Variants in SCOC observed in about 807,000 individuals in gnomAD.
The protein encoded by SCOC is short coiled-coil protein, also known as short coiled coil protein.
In SCOC, 7 loss-of-function variants were observed where a neutral mutation model predicts 9.9. The observed-to-expected ratio is 0.71, with a 90% CI of 0.40 to 1.33. SCOC has a LOEUF of 1.33. Among genes scored for constraint, SCOC ranks in the 40% most tolerant of loss-of-function variants. The probability of loss-of-function intolerance (pLI) is 0.01; values close to 1 mark genes in which losing one functional copy is unlikely to be tolerated. For synonymous variants in SCOC, 19 were observed against 28.2 expected, an observed-to-expected ratio of 0.67 and a Z score of 1.03; for missense variants, 66 against 89.7, an observed-to-expected ratio of 0.74 and a Z score of 1.07.
chr4:140,341,368 C>T (rs1313094058), upstream of SCOC, among the ~76,000 whole-genome samples: 1 of 152,166 alleles, frequency 6.6e-6, no homozygotes, highest in South Asian at 2.1e-4. Context: ...GTTAAGAGCA[C>T]AGACCCTACA....
At chr4:140,300,477 G>A (rs188896789) in intron 1 of SCOC, among the ~76,000 whole-genome samples, 387 of 152,336 alleles carry the variant, frequency 2.5e-3, no homozygotes, top group Admixed American at 7.3e-3. Flanking sequence ...ATGACAGCAC[G>A]TGAGTCATCA....
chr4:140,369,351 C>A (rs547356364), upstream of SCOC: 2 of 381,014 alleles, frequency 5.2e-6, no homozygotes, highest in African/African-American at 2.1e-5. Flanking sequence ...ATTCAATAAC[C>A]TTTCAAGTGA....
intron 1 of SCOC, among the ~76,000 whole-genome samples, chr4:140,326,842 C>T (rs1380819894): frequency 6.6e-6 from 1 of 152,206 alleles, no homozygotes; most frequent in Non-Finnish European, 1.5e-5. Context: ...AAAGCTCAAT[C>T]TGATAACATT....
intron 1 of SCOC, among the ~76,000 whole-genome samples, chr4:140,296,269 C>CT (rs1358013656): frequency 3.3e-5 from 5 of 152,112 alleles, no homozygotes; most frequent in Non-Finnish European, 5.9e-5. Flanking sequence ...TGAGCATGTT[C>CT]TTCGTGAGAG....
chr4:140,343,405 G>T (rs1341109413), upstream of SCOC: 1 of 415,740 alleles, frequency 2.4e-6, no homozygotes, highest in Non-Finnish European at 4.4e-6. Flanking sequence ...AGCAGCCTCC[G>T]GTCAAGGGTT....
intron 1 of SCOC, among the ~76,000 whole-genome samples, chr4:140,374,993 T>TCA (rs1728275514): frequency 6.6e-6 from 1 of 152,206 alleles, no homozygotes; most frequent in Non-Finnish European, 1.5e-5. Context: ...GTATGACAGA[T>TCA]GGTGAAATCA....
At chr4:140,271,688 A>G (rs1281866892) in intron 1 of SCOC, among the ~76,000 whole-genome samples, 4 of 152,226 alleles carry the variant, frequency 2.6e-5, no homozygotes, top group African/African-American at 9.6e-5. Context: ...TGGACTAAAA[A>G]GAGCATCAAA....
intron 2 of SCOC, among the ~76,000 whole-genome samples, chr4:140,345,994 A>G (rs1239124098): frequency 6.6e-6 from 1 of 152,216 alleles, no homozygotes; most frequent in Non-Finnish European, 1.5e-5. Flanking sequence ...ATGGTCCTAC[A>G]TTACAGATGA....
intron 1 of SCOC, among the ~76,000 whole-genome samples, chr4:140,306,406 C>T (rs72714282): frequency 0.01 from 1,555 of 152,212 alleles, 12 homozygotes; most frequent in Middle Eastern, 0.02. Context: ...CAGTACCCCT[C>T]TGAGTAAGTT....
At chr4:140,307,868 G>A (rs1353074519) in intron 1 of SCOC, among the ~76,000 whole-genome samples, 1 of 152,196 alleles carries the variant, frequency 6.6e-6, no homozygotes, top group East Asian at 1.9e-4. Flanking sequence ...AGAGGACAGG[G>A]AGATTCTATT....
intron 1 of SCOC, 116 bp downstream of exon 1, chr4:140,373,833 G>A (rs533566574): frequency 2.6e-6 from 3 of 1,163,692 alleles, no homozygotes; most frequent in Non-Finnish European, 2.5e-6. Flanking sequence ...CGCACCGGGG[G>A]CCCGGGAGGA....
chr4:140,300,526 G>T (rs1430483934), intron 1 of SCOC, among the ~76,000 whole-genome samples: 1 of 152,234 alleles, frequency 6.6e-6, no homozygotes, highest in Non-Finnish European at 1.5e-5. Context: ...GAAGTTGGCA[G>T]ATTCTCAGAA....
chr4:140,337,027 T>G (rs1464350767), intron 1 of SCOC, among the ~76,000 whole-genome samples: 1 of 152,222 alleles, frequency 6.6e-6, no homozygotes, highest in African/African-American at 2.4e-5. Flanking sequence ...TATTGACCAT[T>G]TGCATATCTT....
intron 1 of SCOC, among the ~76,000 whole-genome samples, chr4:140,266,474 C>G (rs764334218): frequency 3.3e-5 from 5 of 151,930 alleles, no homozygotes; most frequent in African/African-American, 1.2e-4. Context: ...ATAAGGGCAC[C>G]CCAGAGAGTG....
At chr4:140,319,166 AC>A (rs1732421962) in intron 1 of SCOC, among the ~76,000 whole-genome samples, 1 of 152,084 alleles carries the variant, frequency 6.6e-6, no homozygotes, top group African/African-American at 2.4e-5. Flanking sequence ...ACCTTGGCTC[AC>A]TGCAACCTCT....
At chr4:140,369,293 T>A, upstream of SCOC, 1 of 446,264 alleles carries the variant, frequency 2.2e-6, no homozygotes, top group Non-Finnish European at 4.5e-6. Context: ...AACAAATAGG[T>A]TATATTCTTT....
chr4:140,318,794 G>A (rs1162819255), intron 1 of SCOC, among the ~76,000 whole-genome samples: 1 of 151,592 alleles, frequency 6.6e-6, no homozygotes, highest in Non-Finnish European at 1.5e-5. Context: ...TGTTTATTGC[G>A]GCATTATTCA....
chr4:140,280,438 T>C (rs2126415023), intron 1 of SCOC, among the ~76,000 whole-genome samples: 1 of 152,290 alleles, frequency 6.6e-6, no homozygotes, highest in South Asian at 2.1e-4. Context: ...CATGTTGTGA[T>C]TTTTTACTCA....
At chr4:140,366,337 G>T (rs1312334072) in intron 2 of SCOC, 4 of 1,326,222 alleles carry the variant, frequency 3.0e-6, no homozygotes, top group Admixed American at 2.5e-5. Context: ...GTGGCTTTCT[G>T]GGCAGGAAGC....
Sources: allele counts gnomAD v4.1 joint callset (sites outside exome capture counted in the v4.1 genomes callset), GRCh38; gene constraint gnomAD v4.1.1; transcripts MANE v1.5; gene names NCBI Gene and HGNC (gene_info 2026-07-23, HGNC 2026-07-21).